The following PIP5K1C variants were observed in gnomAD, a reference collection of about 807,000 sequenced individuals.
The protein encoded by PIP5K1C is phosphatidylinositol-4-phosphate 5-kinase type 1 gamma, also known as phosphatidylinositol 4-phosphate 5-kinase type-1 gamma.
Under a neutral mutation model 80.1 loss-of-function variants are expected in PIP5K1C, and 45 were observed. That is an observed-to-expected ratio of 0.56 (90% confidence interval 0.44 to 0.72). The LOEUF (loss-of-function observed/expected upper bound fraction) is 0.72, where lower values mean the gene tolerates loss of function less well. PIP5K1C is among the 30% of genes least tolerant of loss of function. The pLI is 0.00. For synonymous variants in PIP5K1C, 498 were observed against 420.1 expected (o/e 1.19, Z -2.27); for missense variants, 753 against 954.6 (o/e 0.79, Z 2.78).
chr19:3,693,419 G>T (rs2036002433), intron 1 of PIP5K1C, among the ~76,000 whole-genome samples: 1 of 152,178 alleles, frequency 6.6e-6, no homozygotes, highest in African/African-American at 2.4e-5. Flanking sequence ...CGGGGAGGCA[G>T]GTGCAGGGGC....
chr19:3,663,522 A>C (rs1157481872), intron 3 of PIP5K1C, among the ~76,000 whole-genome samples: 3 of 152,164 alleles, frequency 2.0e-5, no homozygotes, highest in Non-Finnish European at 4.4e-5. Flanking sequence ...GCACCAAGGG[A>C]AAGCACATCA....
In PIP5K1C at chr19:3,632,977, G is replaced by A. The variant is rs1323904946; in HGVS notation, c.*190C>T. 3.8e-6 allele frequency: 2 copies of A among 527,288 alleles called. No individual in the cohort carries two copies. Among genetic ancestry groups the A allele is most frequent in the Non-Finnish European group, 6.7e-6 (2 of 297,220 alleles). 32.7% of individuals were successfully genotyped at this position (527,288 alleles called of 1,614,324 possible). A position where few individuals can be genotyped will look rare whatever the true frequency, so the allele number is the denominator to read the frequency against. On this transcript the variant is annotated 3_prime_UTR_variant, in exon 18 of 18. Transcript: ENST00000335312. The stretch of plus-strand genomic sequence containing the variant: ...TCACAGGGGCAGGCTGCCGACCGGG[G>A]TGCCGGGGCCCTGGGAGGCTTGTCG...
At position 3,637,662 on chromosome 19, in the gene PIP5K1C, C is replaced by A; in HGVS notation, c.1920+1222G>T. The A allele has an allele frequency of 6.6e-7, 1 of 1,512,298 alleles. No homozygotes were observed. The highest frequency in any genetic ancestry group is 2.0e-5 in the Admixed American group (1 of 49,750). The allele number at this position is 1,512,298 out of a possible 1,614,324, so 93.7% of individuals were successfully genotyped here. ...CCGGAGGAGGAAGGAAAACAGAGGA[C>A]AGCGGATGAGGCGGCCACCCCCGTG... On this transcript the variant is annotated intron_variant, in intron 16 of 17. Transcript: ENST00000335312. This position sits in a 1 kb window ranked among gnomAD's most constrained non-coding sequence, Gnocchi z 7.0.
Position 3,656,656 on chromosome 19 carries a change from G to A in PIP5K1C, c.469-99C>T, listed in dbSNP as rs558228552. 267 of 1,325,486 alleles carry A rather than the reference G, an allele frequency of 2.0e-4. 1 individual carries two copies. The African/African-American group carries it at 3.6e-3, about 18-fold the overall frequency. 82.1% of individuals were successfully genotyped at this position (1,325,486 alleles called of 1,614,324 possible). A position where few individuals can be genotyped will look rare whatever the true frequency, so the allele number is the denominator to read the frequency against. ...CAACAGCCCCAGGAACTGATGACGG[G>A]TCGCTGCATTTTACAGATGCGGAAA... On this transcript the variant is annotated intron_variant, in intron 5 of 17. Transcript: ENST00000335312.
At chr19:3,690,437 C>T (rs940671989) in intron 1 of PIP5K1C, among the ~76,000 whole-genome samples, 4 of 149,692 alleles carry the variant, frequency 2.7e-5, no homozygotes, top group Admixed American at 6.7e-5. Flanking sequence ...GAGCTACAAT[C>T]GTGTCACTGA....
chr19:3,649,998 G>A, intron 8 of PIP5K1C: 1 of 183,914 alleles, frequency 5.4e-6, no homozygotes, highest in South Asian at 9.0e-5. Flanking sequence ...ACGCTCACCT[G>A]CTCCCCCGCC....
In PIP5K1C at chr19:3,651,995, G is replaced by A. The variant is rs763002957; in HGVS notation, c.958C>T (p.Leu320=). The change falls in exon 8 of 18, where the codon CTG becomes TTG. Residue 320 remains leucine, a synonymous_variant. Coordinates refer to ENST00000335312, the MANE Select transcript of PIP5K1C (RefSeq NM_012398.3). ...TGGTCGATGTTGTGCACGCCCAGCA[G>A]CAGGCTGTAGTCCATGATCTTGAAA... is the stretch of plus-strand genomic sequence containing the variant. The part of the protein sequence containing the change: ...ESFKIMDYSL[L]LGVHNIDQHE... 24 of 1,613,080 alleles carry A rather than the reference G, an allele frequency of 1.5e-5. No individual in the cohort carries two copies. The highest frequency in any genetic ancestry group is 1.3e-4 in the Admixed American group (8 of 60,006).
chr19:3,641,370 C>T (rs1243401215), intron 15 of PIP5K1C, among the ~76,000 whole-genome samples: 1 of 152,182 alleles, frequency 6.6e-6, no homozygotes, highest in African/African-American at 2.4e-5. Flanking sequence ...GACACTGGAA[C>T]CAGGTCCTTC....
rs374075942 is a variant in PIP5K1C at position 3,684,587 on chromosome 19, C to T, written c.94+15710G>A. Among the ~76,000 whole-genome samples the T allele has an allele frequency of 3.5e-3, 529 of 152,320 alleles. 6 individuals carry two copies. Among genetic ancestry groups the T allele is most frequent in the African/African-American group, 0.012 (498 of 41,562 alleles). Reference sequence around the variant, plus strand: ...GGGTGTGCTGGCACAAGCCAGATGCCGCAGCAGAACCGACCTGCTGAGCCC... The same window carrying T: ...GGGTGTGCTGGCACAAGCCAGATGCTGCAGCAGAACCGACCTGCTGAGCCC... On this transcript the variant is annotated intron_variant, in intron 1 of 17. Transcript: ENST00000335312.
chr19:3,643,256 GCTCCGACGT>G lies in PIP5K1C; in HGVS notation c.1627_1635del (p.Thr543_Glu545del). The G allele has an allele frequency of 6.2e-7, 1 of 1,613,568 alleles. No individual in the cohort carries two copies. Among genetic ancestry groups the G allele is most frequent in the Non-Finnish European group, 8.5e-7 (1 of 1,179,876 alleles). On this transcript the variant is annotated inframe_deletion, in exon 13 of 18. Transcript: ENST00000335312. ...TGCCTCGCCCACCTGTACCGCGGCT[GCTCCGACGT>G]CTCCGAGGGGGACCGCTCAGGAATG...
At chr19:3,684,521 T>C (rs1025170397) in intron 1 of PIP5K1C, among the ~76,000 whole-genome samples, 1 of 152,190 alleles carries the variant, frequency 6.6e-6, no homozygotes. Context: ...GGCTGGAGGG[T>C]GGCAGCAATG....
rs1329976510 is a variant in PIP5K1C at position 3,638,952 on chromosome 19, C to CT, written c.1851dup (p.Asp618ArgfsTer27). On this transcript the variant is annotated frameshift_variant, in exon 16 of 18. Transcript: ENST00000335312. LOFTEE classifies it high-confidence loss of function. Reference sequence around the variant, plus strand: ...TGGCTGGCAGGTGCGCCCTCCTCGTCTGAGGCCTGGCTGGCAGTTTCTACT... The same window carrying CT: ...TGGCTGGCAGGTGCGCCCTCCTCGTCTTGAGGCCTGGCTGGCAGTTTCTACT... 6.2e-7 allele frequency: 1 copy of CT among 1,612,372 alleles called. No homozygotes were observed. The highest frequency in any genetic ancestry group is 8.5e-7 in the Non-Finnish European group (1 of 1,179,908).
intron 1 of PIP5K1C, among the ~76,000 whole-genome samples, chr19:3,684,005 G>A (rs558507818): frequency 5.0e-5 from 5 of 100,526 alleles, no homozygotes; most frequent in African/African-American, 1.5e-4. Flanking sequence ...CCACCACCCC[G>A]ACCAGTGCTG....
rs141866818 is a variant in PIP5K1C, at chr19:3,658,177, G to C, written c.469-1620C>G. On this transcript the variant is annotated intron_variant, in intron 5 of 17. Transcript: ENST00000335312. ...CCGAGGTGCTCTCGGGCCAGGGAACGGCGCCATCAGTTATCACACGTCGGT... is the reference window on the plus strand; with the variant it reads ...CCGAGGTGCTCTCGGGCCAGGGAACCGCGCCATCAGTTATCACACGTCGGT... Among the ~76,000 whole-genome samples, 1,301 of 152,314 alleles carry C rather than the reference G, an allele frequency of 8.5e-3. 19 individuals are homozygous for C. The highest frequency in any genetic ancestry group is 0.03 in the African/African-American group (1,235 of 41,572).
chr19:3,698,796 G>A (rs116919143), intron 1 of PIP5K1C, among the ~76,000 whole-genome samples: 1 of 152,300 alleles, frequency 6.6e-6, no homozygotes, highest in Non-Finnish European at 1.5e-5. Context: ...AACATCAGGA[G>A]GGATGGCGTT....
intron 1 of PIP5K1C, among the ~76,000 whole-genome samples, chr19:3,686,007 G>T (rs1480365098): frequency 1.3e-5 from 2 of 151,668 alleles, no homozygotes; most frequent in Non-Finnish European, 2.9e-5. Context: ...GACTACAGGC[G>T]CCACCACACC....
rs532003705 is a variant in PIP5K1C at position 3,643,127 on chromosome 19, G to C, written c.1649+116C>G. Reference sequence around the variant, plus strand: ...CACATGCAGTGTATGTACATCCACCGTACATACGATGCTCCACCCACATGC... The same window carrying C: ...CACATGCAGTGTATGTACATCCACCCTACATACGATGCTCCACCCACATGC... On this transcript the variant is annotated intron_variant, in intron 13 of 17. Transcript: ENST00000335312. 2.6e-6 allele frequency: 4 copies of C among 1,534,986 alleles called. No individual in the cohort carries two copies. The Admixed American group carries it at 7.0e-5, about 27-fold the overall frequency.
At chr19:3,674,151 G>C (rs969705461) in intron 1 of PIP5K1C, 1 of 152,218 alleles carries the variant, frequency 6.6e-6, no homozygotes, top group Non-Finnish European at 1.5e-5. Context: ...CTGAGGGTTG[G>C]ACAGGCAAGT....
chr19:3,644,636 T>C (rs1390895023), intron 11 of PIP5K1C, among the ~76,000 whole-genome samples: 3 of 152,152 alleles, frequency 2.0e-5, no homozygotes, highest in Non-Finnish European at 2.9e-5. Flanking sequence ...CTGACAGCCT[T>C]GGGGAGCACC....
Sources: allele counts gnomAD v4.1 joint callset (sites outside exome capture counted in the v4.1 genomes callset), GRCh38; gene constraint gnomAD v4.1.1; non-coding constraint Gnocchi (gnomAD v3.1); transcripts MANE v1.5; gene names NCBI Gene and HGNC (gene_info 2026-07-23, HGNC 2026-07-21).